GPNMB: variants seen among roughly 807,000 people sequenced by gnomAD.
The protein encoded by GPNMB is glycoprotein nmb.
A neutral mutation model predicts 57.3 loss-of-function variants in GPNMB; 71 were observed. That is an observed-to-expected ratio of 1.24 (90% CI 1.02 to 1.51). The LOEUF (loss-of-function observed/expected upper bound fraction) is 1.51. Ranked by LOEUF, GPNMB falls within the 40% of genes most tolerant of loss-of-function variation. The probability of loss-of-function intolerance (pLI) is 0.00; values close to 1 mark genes in which losing one functional copy is unlikely to be tolerated. For synonymous variants in GPNMB, 253 were observed against 263.2 expected, an observed-to-expected ratio of 0.96 and a Z score of 0.38; for missense variants, 677 against 691.9, an observed-to-expected ratio of 0.98 and a Z score of 0.24.
Position 23,253,326 on chromosome 7 carries a change from C to T in GPNMB, c.90C>T (p.Gly30=). The T allele has an allele frequency of 6.2e-7, 1 of 1,613,410 alleles. No individual in the cohort carries two copies. The highest frequency in any genetic ancestry group is 8.5e-7 in the Non-Finnish European group (1 of 1,179,568). Residue 30 remains glycine (G), a synonymous_variant, in exon 2 of 11, where the codon GGC becomes GGT. Coordinates refer to ENST00000258733, the MANE Select transcript of GPNMB (RefSeq NM_002510.3). ...ATACAGGATTTCATGATGTGCTGGG[C>T]AATGAAAGACCTTCTGCTTACATGA... ...DAAKRFHDVL[G]NERPSAYMRE... is the part of the protein sequence containing the mutation.
chr7:23,259,998 T>G lies in GPNMB; in HGVS notation c.560T>G (p.Leu187Trp). The G allele has an allele frequency of 1.2e-6, 2 of 1,614,162 alleles. No homozygotes were observed. The highest frequency in any genetic ancestry group is 1.7e-6 in the Non-Finnish European group (2 of 1,180,006). ...FHTLGQYFQK[L>W]GRCSVRVSVN... The stretch of plus-strand genomic sequence containing the variant: ...CCCAAAGGTCAGTATTTCCAGAAAT[T>G]GGGACGATGTTCAGTGAGAGTTTCT... Residue 187 changes from leucine (L) to tryptophan (W), a missense_variant, in exon 5 of 11, where the codon TTG (leucine) becomes TGG (tryptophan). Physicochemically the swap from Leu to Trp is moderately conservative, Grantham distance 61 (BLOSUM62 -2). Transcript: ENST00000258733.
intron 6 of GPNMB, among the ~76,000 whole-genome samples, chr7:23,261,171 C>A (rs1170525109): frequency 1.3e-5 from 2 of 152,118 alleles, no homozygotes; most frequent in Admixed American, 6.5e-5. Flanking sequence ...TCCTCTCCCC[C>A]ACTAATTTCT....
chr7:23,257,320 C>T, intron 4 of GPNMB: 1 of 589,666 alleles, frequency 1.7e-6, no homozygotes, highest in Non-Finnish European at 3.0e-6. Flanking sequence ...AACAAAACCA[C>T]TTAATTTTTT....
At chr7:23,246,975 C>G in intron 1 of GPNMB, 48 bp downstream of exon 1, 1 of 1,314,694 alleles carries the variant, frequency 7.6e-7, no homozygotes, top group Non-Finnish European at 1.1e-6. Flanking sequence ...TGGCCATTGG[C>G]TGAAATGATG....
chr7:23,251,284 C>T (rs1782654340), intron 1 of GPNMB, among the ~76,000 whole-genome samples: 1 of 152,200 alleles, frequency 6.6e-6, no homozygotes, highest in South Asian at 2.1e-4. Context: ...TATGGCTTCT[C>T]TGAGCACCCA....
intron 1 of GPNMB, among the ~76,000 whole-genome samples, chr7:23,249,430 G>C (rs952168537): frequency 3.9e-5 from 6 of 152,206 alleles, no homozygotes; most frequent in African/African-American, 1.2e-4. Flanking sequence ...CATGGCTATA[G>C]ATGTATAGCC....
chr7:23,261,502 A>G (rs1338764036), intron 6 of GPNMB, among the ~76,000 whole-genome samples: 2 of 152,198 alleles, frequency 1.3e-5, no homozygotes, highest in Non-Finnish European at 2.9e-5. Context: ...GAAGCTGGAA[A>G]CCATCATTCT....
intron 6 of GPNMB, among the ~76,000 whole-genome samples, chr7:23,261,331 C>T (rs1254658085): frequency 4.6e-5 from 7 of 152,118 alleles, no homozygotes; most frequent in African/African-American, 1.4e-4. Context: ...TGTGCTGCAT[C>T]GTATGTTTAT....
At position 23,246,829 on chromosome 7, in the gene GPNMB, T is replaced by G; in HGVS notation, c.-29T>G. The G allele has an allele frequency of 6.4e-7, 1 of 1,573,558 alleles. No homozygotes were observed. The highest frequency in any genetic ancestry group is 1.1e-5 in the South Asian group (1 of 90,290). Reference sequence around the variant, plus strand: ...GCCCAGAGGAATTCAGAGTTAAACCTTGAGTGCCTGCGTCCGTGAGAATTC... The same window carrying G: ...GCCCAGAGGAATTCAGAGTTAAACCGTGAGTGCCTGCGTCCGTGAGAATTC... On this transcript the variant is annotated 5_prime_UTR_variant, in exon 1 of 11. Transcript: ENST00000258733.
intron 1 of GPNMB, chr7:23,247,845 C>G (rs150487204): frequency 4.6e-5 from 7 of 152,390 alleles, no homozygotes; most frequent in African/African-American, 1.7e-4. Flanking sequence ...GGAGCTGACC[C>G]GGTGTCAGCG....
intron 6 of GPNMB, 72 bp from the exon 7 acceptor site, chr7:23,266,445 T>A (rs927253214): frequency 5.9e-6 from 9 of 1,519,540 alleles, no homozygotes; most frequent in Non-Finnish European, 8.1e-6. Context: ...ATGTTTAGAT[T>A]TTTTATTATA....
At position 23,256,915 on chromosome 7, in the gene GPNMB, T is replaced by C. The variant is rs956997820; in HGVS notation, c.391T>C (p.Tyr131His). The C allele has an allele frequency of 7.4e-6, 12 of 1,614,042 alleles. No individual in the cohort carries two copies. The African/African-American group carries it at 1.6e-4, about 22-fold the overall frequency. ...RNEAGLSADPYVYNWTAWSED... is the reference protein window; with the variant it reads ...RNEAGLSADPHVYNWTAWSED... Reference sequence around the variant, plus strand: ...AGAGGCTGGTTTATCTGCTGATCCGTATGTTTACAACTGGACAGCATGGTC... The same window carrying C: ...AGAGGCTGGTTTATCTGCTGATCCGCATGTTTACAACTGGACAGCATGGTC... The change falls in exon 4 of 11, where the codon TAT becomes CAT. Residue 131 changes from tyrosine (Y) to histidine (H), a missense_variant. Coordinates refer to ENST00000258733, the MANE Select transcript of GPNMB (RefSeq NM_002510.3).
chr7:23,271,179 C>T (rs1411923852), intron 9 of GPNMB, among the ~76,000 whole-genome samples: 1 of 152,222 alleles, frequency 6.6e-6, no homozygotes, highest in South Asian at 2.1e-4. Flanking sequence ...ATAAGGTTTG[C>T]ACTCCTATGA....
chr7:23,267,318 G>A (rs1468922726), intron 7 of GPNMB, among the ~76,000 whole-genome samples: 1 of 152,210 alleles, frequency 6.6e-6, no homozygotes, highest in African/African-American at 2.4e-5. Context: ...GTTTGACTTT[G>A]GAAATGCTGC....
intron 6 of GPNMB, among the ~76,000 whole-genome samples, chr7:23,261,632 G>T (rs1478353195): frequency 6.6e-6 from 1 of 152,058 alleles, no homozygotes; most frequent in Non-Finnish European, 1.5e-5. Flanking sequence ...GGCCTGTCGG[G>T]GGGTAGGGGT....
intron 7 of GPNMB, 26 bp from the exon 8 acceptor site, chr7:23,267,838 ATTTCTGTTGTATTTTGATGTGT>A (rs1350586784): frequency 2.4e-6 from 3 of 1,236,868 alleles, no homozygotes; most frequent in African/African-American, 1.5e-5. Flanking sequence ...GCTTTGTTTG[ATTTCTGTTGTATTTTGATGTGT>A]TTTTCTCTGG....
chr7:23,269,661 A>G lies in GPNMB; in HGVS notation c.1221-306A>G, dbSNP rs575905589. Among the ~76,000 whole-genome samples the G allele has an allele frequency of 2.0e-4, 31 of 152,316 alleles. 1 individual carries two copies. The highest frequency in any genetic ancestry group is 5.1e-4 in the African/African-American group (21 of 41,564). ...AACATTCTAGGGATGTAGAAGGAATATAGAGGGAGTGAGCTGGGCTTCACG... is the reference window on the plus strand; with the variant it reads ...AACATTCTAGGGATGTAGAAGGAATGTAGAGGGAGTGAGCTGGGCTTCACG... On this transcript the variant is annotated intron_variant, in intron 8 of 10. Coordinates refer to ENST00000258733, the MANE Select transcript of GPNMB (RefSeq NM_002510.3).
At chr7:23,261,586 A>G (rs965017400) in intron 6 of GPNMB, among the ~76,000 whole-genome samples, 3 of 152,024 alleles carry the variant, frequency 2.0e-5, no homozygotes, top group African/African-American at 7.2e-5. Context: ...AACAATGAGA[A>G]CACTTGGACA....
In GPNMB at chr7:23,260,099, G is replaced by C; in HGVS notation, c.661G>C (p.Val221Leu). 6.2e-7 allele frequency: 1 copy of C among 1,614,010 alleles called. No homozygotes were observed. Among genetic ancestry groups the C allele is most frequent in the South Asian group, 1.1e-5 (1 of 91,080 alleles). ...TVYRRHGRAY[V>L]PIAQVKDVYV... ...CTACAGAAGACATGGACGGGCATAT[G>C]TTCCCATCGCACAAGTGAAAGATGT... Residue 221 changes from valine (V) to leucine (L), a missense_variant, in exon 5 of 11, where the codon GTT (valine) becomes CTT (leucine). Val to Leu is a conservative substitution (Grantham distance 32). Transcript: ENST00000258733.
Sources: allele counts gnomAD v4.1 joint callset (sites outside exome capture counted in the v4.1 genomes callset), GRCh38; gene constraint gnomAD v4.1.1; transcripts MANE v1.5; gene names NCBI Gene and HGNC (gene_info 2026-07-23, HGNC 2026-07-21).